Variants in PDE4D observed in about 807,000 individuals in gnomAD.
PDE4D encodes the protein phosphodiesterase 4D.
Under a neutral mutation model 87.4 loss-of-function variants are expected in PDE4D, and 24 were observed. The observed-to-expected ratio is 0.27, with a 90% CI of 0.20 to 0.39. The LOEUF (loss-of-function observed/expected upper bound fraction) is 0.39. PDE4D is among the 10% of genes least tolerant of loss of function. The probability of loss-of-function intolerance (pLI) is 1.00; values close to 1 mark genes in which losing one functional copy is unlikely to be tolerated. For synonymous variants in PDE4D, 384 were observed against 383.2 expected, an observed-to-expected ratio of 1.00 and a Z score of -0.02; for missense variants, 714 against 1,041.0, an observed-to-expected ratio of 0.69 and a Z score of 4.32.
intron 2 of PDE4D, among the ~76,000 whole-genome samples, chr5:60,008,125 G>C (rs1764661636): frequency 6.6e-6 from 1 of 151,866 alleles, no homozygotes; most frequent in African/African-American, 2.4e-5. Context: ...ACATTTTGGG[G>C]ACACAAAGAT....
At chr5:60,043,697 A>G (rs1414883244) in intron 2 of PDE4D, among the ~76,000 whole-genome samples, 1 of 150,552 alleles carries the variant, frequency 6.6e-6, no homozygotes, top group East Asian at 1.9e-4. Context: ...TAAAGAGTTT[A>G]TTTTATGCTC....
chr5:59,552,253 T>G (rs1818245521), intron 1 of PDE4D, among the ~76,000 whole-genome samples: 1 of 152,184 alleles, frequency 6.6e-6, no homozygotes, highest in Admixed American at 6.6e-5. Flanking sequence ...TTATAATATC[T>G]AACTGATTAT....
At chr5:60,091,054 C>A (rs574123108) in intron 2 of PDE4D, among the ~76,000 whole-genome samples, 2 of 152,194 alleles carry the variant, frequency 1.3e-5, no homozygotes, top group East Asian at 3.9e-4. Flanking sequence ...TAAAAGATAT[C>A]CATCCCATGC....
At chr5:60,515,397 G>C (rs945951896) in intron 1 of PDE4D, among the ~76,000 whole-genome samples, 17 of 152,062 alleles carry the variant, frequency 1.1e-4, no homozygotes, top group African/African-American at 4.1e-4. Flanking sequence ...GCATAATTTA[G>C]TCCCCCCATT....
At chr5:59,640,779 C>G (rs1741445038) in intron 1 of PDE4D, among the ~76,000 whole-genome samples, 1 of 152,194 alleles carries the variant, frequency 6.6e-6, no homozygotes. Context: ...CAATTGTCAC[C>G]TCTTGCACAG....
chr5:60,436,880 C>T (rs1744799468), intron 1 of PDE4D, among the ~76,000 whole-genome samples: 1 of 152,042 alleles, frequency 6.6e-6, no homozygotes. Context: ...GGAATCTCTG[C>T]TAATTATCCC....
intron 1 of PDE4D, among the ~76,000 whole-genome samples, chr5:60,494,278 A>C (rs1419943002): frequency 6.6e-6 from 1 of 152,118 alleles, no homozygotes; most frequent in Admixed American, 6.5e-5. Flanking sequence ...GGGATCTCAG[A>C]CTCAGAGGTG....
At chr5:59,443,468 C>T (rs1276559301) in intron 1 of PDE4D, among the ~76,000 whole-genome samples, 2 of 152,106 alleles carry the variant, frequency 1.3e-5, no homozygotes, top group African/African-American at 2.4e-5. Flanking sequence ...CAGCATGTTC[C>T]ATTTAGAAAT....
At chr5:59,115,350 T>C (rs1773423143) in intron 5 of PDE4D, among the ~76,000 whole-genome samples, 1 of 152,194 alleles carries the variant, frequency 6.6e-6, no homozygotes, top group Admixed American at 6.5e-5. Context: ...CAAATAGCTA[T>C]GTCTGTGGTT....
At chr5:59,861,368 G>A (rs924108370) in intron 1 of PDE4D, among the ~76,000 whole-genome samples, 1 of 152,146 alleles carries the variant, frequency 6.6e-6, no homozygotes, top group Non-Finnish European at 1.5e-5. Flanking sequence ...CTCAGCTGGA[G>A]GAGTTTCCAA....
chr5:59,266,586 T>C (rs1762896145), intron 1 of PDE4D, among the ~76,000 whole-genome samples: 1 of 151,898 alleles, frequency 6.6e-6, no homozygotes, highest in African/African-American at 2.4e-5. Context: ...CTCCAAGGAA[T>C]GGAGCCGTGT....
intron 1 of PDE4D, among the ~76,000 whole-genome samples, chr5:60,482,836 T>C (rs900629108): frequency 1.3e-5 from 2 of 152,254 alleles, no homozygotes; most frequent in Non-Finnish European, 2.9e-5. Flanking sequence ...CATAATTGTA[T>C]ATCTCAGATG....
chr5:59,766,965 G>A (rs1762871791), intron 1 of PDE4D, among the ~76,000 whole-genome samples: 4 of 152,170 alleles, frequency 2.6e-5, no homozygotes, highest in African/African-American at 9.7e-5. Flanking sequence ...CCCAGTCAGA[G>A]ATCTAGCTAC....
chr5:60,060,752 C>T (rs1771304684), intron 2 of PDE4D, among the ~76,000 whole-genome samples: 1 of 152,030 alleles, frequency 6.6e-6, no homozygotes, highest in East Asian at 1.9e-4. Context: ...GCCTCTTCAG[C>T]CTCTCAGCTT....
At chr5:59,826,540 G>T (rs1263944108) in intron 1 of PDE4D, among the ~76,000 whole-genome samples, 1 of 151,842 alleles carries the variant, frequency 6.6e-6, no homozygotes, top group Non-Finnish European at 1.5e-5. Flanking sequence ...AAGTTCTAGG[G>T]TACCTGTGCA....
intron 1 of PDE4D, among the ~76,000 whole-genome samples, chr5:60,204,875 TA>T (rs1319051578): frequency 6.6e-6 from 1 of 152,160 alleles, no homozygotes; most frequent in Non-Finnish European, 1.5e-5. Flanking sequence ...TACTCCCCCA[TA>T]AGGTGGGGAT....
At chr5:60,282,978 T>C (rs1238492050) in intron 1 of PDE4D, among the ~76,000 whole-genome samples, 3 of 152,206 alleles carry the variant, frequency 2.0e-5, no homozygotes, top group Admixed American at 6.5e-5. Flanking sequence ...TTGAAAAGAA[T>C]GTATATTCTG....
chr5:60,389,629 A>T (rs1045340938), intron 1 of PDE4D, among the ~76,000 whole-genome samples: 11 of 152,126 alleles, frequency 7.2e-5, no homozygotes, highest in African/African-American at 2.7e-4. Flanking sequence ...TGTCGGCTGG[A>T]ATTGCTTGAC....
rs1213041627 is a variant in PDE4D at position 60,181,883 on chromosome 5, A to T, written c.42+3674T>A. Among the ~76,000 whole-genome samples, 4 of 152,204 alleles carry T rather than the reference A, an allele frequency of 2.6e-5. No homozygotes were observed. The South Asian group carries it at 8.3e-4, about 32-fold the overall frequency. On this transcript the variant is annotated intron_variant, in intron 2 of 16. Transcript: ENST00000502484. ...AAGAAAAGAAAATGCTAAAATTTTT[A>T]CTTTAACTCCTGATTTTAAAATATA...
Sources: allele counts gnomAD v4.1 joint callset (sites outside exome capture counted in the v4.1 genomes callset), GRCh38; gene constraint gnomAD v4.1.1; transcripts MANE v1.5; gene names NCBI Gene and HGNC (gene_info 2026-07-23, HGNC 2026-07-21).